Variants in ARL8A observed in about 807,000 individuals in gnomAD.
ARL8A encodes the protein ADP-ribosylation factor-like protein 8A.
Under a neutral mutation model 31.2 loss-of-function variants are expected in ARL8A, and 10 were observed. The observed-to-expected ratio is 0.32, with a 90% CI of 0.20 to 0.54. The LOEUF (loss-of-function observed/expected upper bound fraction) is 0.54. Among genes scored for constraint, ARL8A ranks in the 20% least tolerant of loss-of-function variants. ARL8A has a pLI of 0.93. For missense variants in ARL8A, 129 were observed against 242.8 expected, an observed-to-expected ratio of 0.53 and a Z score of 3.12; for synonymous variants, 70 against 86.9, an observed-to-expected ratio of 0.81 and a Z score of 1.08.
In ARL8A at chr1:202,144,406, C is replaced by T. The variant is rs773100939; in HGVS notation, c.123+44G>A. Reference sequence around the variant, plus strand: ...GCGGCGCGGGCGGGGACAGGCCCGACCCGCGGCCCGCGCCCGGGGACCCCG... The same window carrying T: ...GCGGCGCGGGCGGGGACAGGCCCGATCCGCGGCCCGCGCCCGGGGACCCCG... On this transcript the variant is annotated intron_variant, in intron 1 of 6. Coordinates refer to ENST00000272217, the MANE Select transcript of ARL8A (RefSeq NM_138795.4). The surrounding 1 kb of genome is among the most constrained non-coding windows in gnomAD (Gnocchi z 5.2). The T allele has an allele frequency of 3.9e-6, 5 of 1,291,704 alleles. No individual in the cohort carries two copies. Among genetic ancestry groups the T allele is most frequent in the East Asian group, 1.1e-4 (2 of 17,796 alleles). The allele number at this position is 1,291,704 out of a possible 1,614,324, so 80.0% of individuals were successfully genotyped here. A position where few individuals can be genotyped will look rare whatever the true frequency, so the allele number is the denominator to read the frequency against.
chr1:202,135,664 C>G lies in ARL8A; in HGVS notation c.372+43G>C, dbSNP rs777175538. 1.0e-5 allele frequency: 16 copies of G among 1,596,222 alleles called. No homozygotes were observed. In the African/African-American group the frequency reaches 2.0e-4, roughly 20 times the overall value. On this transcript the variant is annotated intron_variant, in intron 4 of 6. Transcript: ENST00000272217. The surrounding 1 kb of genome is among the most constrained non-coding windows in gnomAD (Gnocchi z 5.3). ...CTTTTACCTGCTCCCAGTGACTTCC[C>G]AGCCGAGCTCCCTCCCCATCCCGCT...
intron 1 of ARL8A, among the ~76,000 whole-genome samples, chr1:202,141,634 C>G (rs1383757143): frequency 3.4e-5 from 5 of 148,164 alleles, no homozygotes; most frequent in African/African-American, 1.3e-4. Context: ...TAGAGCAACA[C>G]TCTGTCTCAA....
intron 3 of ARL8A, among the ~76,000 whole-genome samples, chr1:202,136,512 C>T (rs1655009916): frequency 6.6e-6 from 1 of 152,088 alleles, no homozygotes; most frequent in African/African-American, 2.4e-5. Flanking sequence ...ATCTCCTGAC[C>T]TTGTGATCCA....
At chr1:202,139,632 CTTTTTTTTTTTTTTTTTTT>C (rs71141457) in intron 1 of ARL8A, among the ~76,000 whole-genome samples, 1 of 50,532 alleles carries the variant, frequency 2.0e-5, no homozygotes, top group Non-Finnish European at 3.4e-5. Context: ...AGCCCTGTTC[CTTTTTTTTTTTTTTTTTTT>C]TTTTTTTTTT....
chr1:202,143,746 C>G (rs1442559054), intron 1 of ARL8A, among the ~76,000 whole-genome samples: 1 of 152,240 alleles, frequency 6.6e-6, no homozygotes, highest in Non-Finnish European at 1.5e-5. Context: ...ACCTCATCCT[C>G]TCTTGTCGGG....
chr1:202,142,678 T>C (rs1655193133), intron 1 of ARL8A, among the ~76,000 whole-genome samples: 1 of 152,230 alleles, frequency 6.6e-6, no homozygotes, highest in African/African-American at 2.4e-5. Context: ...ACAGGAACTC[T>C]TGACCCTGGC....
chr1:202,134,108 A>G lies in ARL8A; in HGVS notation c.*359T>C, dbSNP rs1016907610. On this transcript the variant is annotated 3_prime_UTR_variant, in exon 7 of 7. Transcript: ENST00000272217. The surrounding 1 kb of genome is among the most constrained non-coding windows in gnomAD (Gnocchi z 4.2). ...AAAATTAAAATATATATACATATAT[A>G]TACTGTACACACAGGACAATAACAG... 7 of 259,630 alleles carry G rather than the reference A, an allele frequency of 2.7e-5. No individual in the cohort carries two copies. Among genetic ancestry groups the G allele is most frequent in the African/African-American group, 1.3e-4 (6 of 45,402 alleles). 16.1% of individuals were successfully genotyped at this position (259,630 alleles called of 1,614,324 possible).
chr1:202,144,398 AGGCCCGACCCGC>A lies in ARL8A; in HGVS notation c.123+40_123+51del. ...AGCAGGGCGCGGCGCGGGCGGGGAC[AGGCCCGACCCGC>A]GGCCCGCGCCCGGGGACCCCGCGCC... On this transcript the variant is annotated intron_variant, in intron 1 of 6. Transcript: ENST00000272217. The surrounding 1 kb of genome is among the most constrained non-coding windows in gnomAD (Gnocchi z 5.2). The A allele has an allele frequency of 1.7e-6, 2 of 1,181,900 alleles. No homozygotes were observed. Among genetic ancestry groups the A allele is most frequent in the Non-Finnish European group, 2.2e-6 (2 of 928,472 alleles). 73.2% of individuals were successfully genotyped at this position (1,181,900 alleles called of 1,614,324 possible). A position where few individuals can be genotyped will look rare whatever the true frequency, so the allele number is the denominator to read the frequency against.
intron 3 of ARL8A, among the ~76,000 whole-genome samples, chr1:202,137,155 C>A (rs962031685): frequency 6.6e-6 from 1 of 152,084 alleles, no homozygotes; most frequent in African/African-American, 2.4e-5. Context: ...CGCGCCCAGC[C>A]CATGCCCTGC....
At chr1:202,143,552 C>G (rs939766820) in intron 1 of ARL8A, among the ~76,000 whole-genome samples, 3 of 152,192 alleles carry the variant, frequency 2.0e-5, no homozygotes, top group Admixed American at 2.0e-4. Context: ...ACAGGCAGGC[C>G]GCAGCCATTA....
rs1655253091 is a variant in ARL8A at position 202,144,556 on chromosome 1, T to C, written c.17A>G (p.Asn6Ser). Residue 6 changes from asparagine to serine, a missense_variant, in exon 1 of 7, where the codon AAC (asparagine) becomes AGC (serine). Transcript: ENST00000272217. The surrounding 1 kb of genome is among the most constrained non-coding windows in gnomAD (Gnocchi z 5.2). MIALF[N>S]KLLDWFKALF... The stretch of plus-strand genomic sequence containing the variant: ...GGCCTTGAACCAGTCCAGCAGCTTG[T>C]TGAACAAAGCGATCATGGTCGCTGC... 6.2e-6 allele frequency: 9 copies of C among 1,442,730 alleles called. No individual in the cohort carries two copies. The highest frequency in any genetic ancestry group is 8.4e-6 in the Non-Finnish European group (9 of 1,077,462). The allele number at this position is 1,442,730 out of a possible 1,614,324, so 89.4% of individuals were successfully genotyped here.
intron 1 of ARL8A, among the ~76,000 whole-genome samples, chr1:202,139,673 T>C (rs1655114856): frequency 8.6e-6 from 1 of 115,678 alleles, no homozygotes. Context: ...TGAGACAGAG[T>C]CTCGCTCTAT....
At position 202,138,381 on chromosome 1, in the gene ARL8A, T is replaced by A; in HGVS notation, c.191A>T (p.Asn64Ile). 12 of 1,613,626 alleles carry A rather than the reference T, an allele frequency of 7.4e-6. No homozygotes were observed. Among genetic ancestry groups the A allele is most frequent in the Non-Finnish European group, 1.0e-5 (12 of 1,179,696 alleles). The change falls in exon 2 of 7, where the codon AAT becomes ATT. Residue 64 changes from asparagine (N) to isoleucine (I), a missense_variant. Transcript: ENST00000272217. The surrounding 1 kb of genome is among the most constrained non-coding windows in gnomAD (Gnocchi z 4.4). ...GFNMRKITKGNVTIKLWDIGG... is the reference protein window; with the variant it reads ...GFNMRKITKGIVTIKLWDIGG... ...CTGGGCCCTCACCTTGATAGTCACA[T>A]TCCCTTTGGTGATTTTGCGCATGTT...
chr1:202,133,664 T>C lies in ARL8A; in HGVS notation c.*803A>G, dbSNP rs1654923020. 6.7e-6 allele frequency: 1 copy of C among 149,010 alleles called. No individual in the cohort carries two copies. The highest frequency in any genetic ancestry group is 6.7e-5 in the Admixed American group (1 of 15,024). The allele number at this position is 149,010 out of a possible 1,614,324, so 9.2% of individuals were successfully genotyped here. On this transcript the variant is annotated 3_prime_UTR_variant, in exon 7 of 7. Coordinates refer to ENST00000272217, the MANE Select transcript of ARL8A (RefSeq NM_138795.4). Reference sequence around the variant, plus strand: ...CAGAAAATGAAGTGGGCCGTGGAGGTGGGGGCCCTGGGGAGGGGCGGGAGC... The same window carrying C: ...CAGAAAATGAAGTGGGCCGTGGAGGCGGGGGCCCTGGGGAGGGGCGGGAGC...
In ARL8A at chr1:202,134,834, G is replaced by A. The variant is rs552435223; in HGVS notation, c.511+316C>T. On this transcript the variant is annotated intron_variant, in intron 6 of 6. Coordinates refer to ENST00000272217, the MANE Select transcript of ARL8A (RefSeq NM_138795.4). This position sits in a 1 kb window ranked among gnomAD's most constrained non-coding sequence, Gnocchi z 4.2. Reference sequence around the variant, plus strand: ...CACATGGCCCTGAATGAGTAGTAGCGGAATTCAGGTGCTGGGAAAGAGACA... The same window carrying A: ...CACATGGCCCTGAATGAGTAGTAGCAGAATTCAGGTGCTGGGAAAGAGACA... Among the ~76,000 whole-genome samples, 5 of 152,288 alleles carry A rather than the reference G, an allele frequency of 3.3e-5. No individual in the cohort carries two copies. Among genetic ancestry groups the A allele is most frequent in the African/African-American group, 4.8e-5 (2 of 41,564 alleles).
At chr1:202,136,072 C>T in intron 3 of ARL8A, among the ~76,000 whole-genome samples, 1 of 152,130 alleles carries the variant, frequency 6.6e-6, no homozygotes, top group Admixed American at 6.5e-5. Context: ...AAGCGTGGGC[C>T]CTTTGAGATT....
chr1:202,143,754 G>C (rs553603105), intron 1 of ARL8A, among the ~76,000 whole-genome samples: 1 of 152,328 alleles, frequency 6.6e-6, no homozygotes, highest in South Asian at 2.1e-4. Flanking sequence ...CTCTCTTGTC[G>C]GGAGCACCTG....
chr1:202,144,395 G>A lies in ARL8A; in HGVS notation c.123+55C>T, dbSNP rs1395555104. 8.5e-7 allele frequency: 1 copy of A among 1,174,244 alleles called. No individual in the cohort carries two copies. Among genetic ancestry groups the A allele is most frequent in the South Asian group, 1.8e-5 (1 of 54,384 alleles). The allele number at this position is 1,174,244 out of a possible 1,614,324, so 72.7% of individuals were successfully genotyped here. On this transcript the variant is annotated intron_variant, in intron 1 of 6. Coordinates refer to ENST00000272217, the MANE Select transcript of ARL8A (RefSeq NM_138795.4). This position sits in a 1 kb window ranked among gnomAD's most constrained non-coding sequence, Gnocchi z 5.2. Reference sequence around the variant, plus strand: ...CTCAGCAGGGCGCGGCGCGGGCGGGGACAGGCCCGACCCGCGGCCCGCGCC... The same window carrying A: ...CTCAGCAGGGCGCGGCGCGGGCGGGAACAGGCCCGACCCGCGGCCCGCGCC...
chr1:202,136,531 G>A (rs573504106), intron 3 of ARL8A, among the ~76,000 whole-genome samples: 5 of 152,028 alleles, frequency 3.3e-5, no homozygotes, highest in African/African-American at 7.2e-5. Context: ...CACTCGTCTC[G>A]GGCTCCCAAA....
Sources: gnomAD v4.1 joint callset for allele counts (sites outside exome capture counted in the v4.1 genomes callset) on GRCh38, gnomAD v4.1.1 for gene constraint, Gnocchi (gnomAD v3.1) non-coding constraint, MANE v1.5 for transcripts, NCBI Gene and HGNC (gene_info 2026-07-23, HGNC 2026-07-21) for gene names.